Variants in RAPGEF5 observed in about 807,000 individuals in gnomAD.
The protein encoded by RAPGEF5 is M-Ras-regulated GEF.
RAPGEF5 carries 65 observed loss-of-function variants against 125.2 expected under a neutral mutation model. That is an observed-to-expected ratio of 0.52 (90% CI 0.43 to 0.64). The LOEUF (loss-of-function observed/expected upper bound fraction) is 0.64. Ranked by LOEUF, RAPGEF5 falls within the 30% of genes least tolerant of loss-of-function variation. The pLI is 0.00. For synonymous variants in RAPGEF5, 391 were observed against 385.9 expected (o/e 1.01, Z -0.16); for missense variants, 958 against 1,048.1 (o/e 0.91, Z 1.19).
At chr7:22,305,200 A>G (rs956922391) in intron 5 of RAPGEF5, among the ~76,000 whole-genome samples, 5 of 152,218 alleles carry the variant, frequency 3.3e-5, no homozygotes, top group African/African-American at 1.2e-4. Flanking sequence ...TTTAATAGAG[A>G]TAATAATAGT....
chr7:22,212,526 C>T (rs1415259941), intron 9 of RAPGEF5, among the ~76,000 whole-genome samples: 1 of 152,214 alleles, frequency 6.6e-6, no homozygotes, highest in African/African-American at 2.4e-5. Flanking sequence ...CCTTCAGGAA[C>T]CAAGCCACAC....
chr7:22,259,890 G>A (rs377193556), intron 7 of RAPGEF5, among the ~76,000 whole-genome samples: 1 of 152,122 alleles, frequency 6.6e-6, no homozygotes, highest in Non-Finnish European at 1.5e-5. Flanking sequence ...GAGCCACCAC[G>A]CCCAGCCCAA....
At chr7:22,165,364 C>T (rs759438918) in intron 12 of RAPGEF5, among the ~76,000 whole-genome samples, 11 of 152,094 alleles carry the variant, frequency 7.2e-5, no homozygotes, top group Non-Finnish European at 1.5e-4. Flanking sequence ...TTTTATATTA[C>T]TTAATGGGTG....
chr7:22,320,367 A>C (rs2128155593), intron 1 of RAPGEF5, among the ~76,000 whole-genome samples: 1 of 152,268 alleles, frequency 6.6e-6, no homozygotes, highest in South Asian at 2.1e-4. Context: ...ACTGACCCAA[A>C]ATAGCAAGGG....
chr7:22,151,522 T>G (rs1222379965), intron 17 of RAPGEF5, among the ~76,000 whole-genome samples: 3 of 147,540 alleles, frequency 2.0e-5, no homozygotes, highest in Non-Finnish European at 4.5e-5. Context: ...AGTGCACTAG[T>G]GTGATCTCGG....
intron 9 of RAPGEF5, among the ~76,000 whole-genome samples, chr7:22,213,511 C>T (rs940148048): frequency 1.3e-5 from 2 of 152,176 alleles, no homozygotes. Flanking sequence ...TTCTTGGAGG[C>T]AAGAACTAGC....
At chr7:22,309,216 G>A (rs1483465996) in intron 4 of RAPGEF5, among the ~76,000 whole-genome samples, 1 of 152,168 alleles carries the variant, frequency 6.6e-6, no homozygotes, top group Non-Finnish European at 1.5e-5. Context: ...ATTCTTCAAA[G>A]GTAGTTAACT....
chr7:22,246,668 A>G (rs940488699), intron 7 of RAPGEF5, among the ~76,000 whole-genome samples: 1 of 142,404 alleles, frequency 7.0e-6, no homozygotes, highest in Non-Finnish European at 1.6e-5. Context: ...TAGCCTTGGC[A>G]AAAAAAAATT....
chr7:22,341,157 G>A (rs112123591), intron 1 of RAPGEF5, among the ~76,000 whole-genome samples: 18,523 of 152,200 alleles, frequency 0.12, 1,408 homozygotes, highest in Non-Finnish European at 0.16. Flanking sequence ...GTTCCATGTG[G>A]CTGGGGAGGC....
chr7:22,300,808 C>T (rs1487947923), intron 5 of RAPGEF5, among the ~76,000 whole-genome samples: 3 of 152,218 alleles, frequency 2.0e-5, no homozygotes, highest in Non-Finnish European at 4.4e-5. Flanking sequence ...GAACCTGGGA[C>T]AAACCTGTAA....
intron 15 of RAPGEF5, 96 bp from the exon 16 acceptor site, chr7:22,156,984 T>A (rs1783830735): frequency 2.1e-6 from 3 of 1,437,768 alleles, no homozygotes; most frequent in Non-Finnish European, 2.8e-6. Flanking sequence ...ACTAGCCAAA[T>A]TTTTTTTTAA....
intron 6 of RAPGEF5, among the ~76,000 whole-genome samples, chr7:22,278,973 T>C (rs1469534090): frequency 2.0e-5 from 3 of 152,146 alleles, no homozygotes; most frequent in Non-Finnish European, 4.4e-5. Context: ...ATTAAGTTCA[T>C]ATATGCACAC....
chr7:22,287,146 T>C (rs1782817295), intron 6 of RAPGEF5, among the ~76,000 whole-genome samples: 2 of 152,210 alleles, frequency 1.3e-5, no homozygotes, highest in Admixed American at 1.3e-4. Context: ...GAAAACTTCT[T>C]ACAGAGTTTC....
chr7:22,136,071 G>T lies in RAPGEF5; in HGVS notation c.2383C>A (p.Pro795Thr). 1 of 1,612,230 alleles carries T rather than the reference G, an allele frequency of 6.2e-7. No individual in the cohort carries two copies. Among genetic ancestry groups the T allele is most frequent in the Non-Finnish European group, 8.5e-7 (1 of 1,178,812 alleles). Residue 795 changes from proline (P) to threonine (T), a missense_variant, in exon 23 of 26, where the codon CCA (proline) becomes ACA (threonine). Pro to Thr is a conservative substitution (Grantham distance 38). Coordinates refer to ENST00000665637, the MANE Select transcript of RAPGEF5 (RefSeq NM_012294.5). ...YRDAFKKMKP[P>T]KIPFMPLLLK... is the part of the protein sequence containing the mutation. ...AATAAGGGCATGAAAGGGATTTTTG[G>T]TGGCTTCATCTTTTTGAATGCATCT...
chr7:22,318,137 T>TTA, intron 1 of RAPGEF5, 100 bp from the exon 2 acceptor site: 37 of 1,068,634 alleles, frequency 3.5e-5, no homozygotes, highest in East Asian at 6.4e-5. Flanking sequence ...GCCTCTGCTA[T>TTA]GAAAAAAAAA....
chr7:22,157,734 C>A (rs1355893523), intron 15 of RAPGEF5, 121 bp downstream of exon 15: 4 of 1,107,882 alleles, frequency 3.6e-6, no homozygotes, highest in Admixed American at 2.2e-5. Flanking sequence ...GCCCCAGGCG[C>A]CCCGCCTTGT....
At chr7:22,186,015 G>A (rs1395876518) in intron 11 of RAPGEF5, among the ~76,000 whole-genome samples, 5 of 151,976 alleles carry the variant, frequency 3.3e-5, no homozygotes, top group African/African-American at 9.7e-5. Context: ...TAGTAGAGGC[G>A]GGGTTTTACC....
At chr7:22,342,531 A>G (rs1240683081) in intron 1 of RAPGEF5, among the ~76,000 whole-genome samples, 1 of 152,222 alleles carries the variant, frequency 6.6e-6, no homozygotes, top group Non-Finnish European at 1.5e-5. Flanking sequence ...CTTTTCTATC[A>G]CATTGTCAGG....
At chr7:22,143,607 C>T (rs1322746118) in intron 20 of RAPGEF5, among the ~76,000 whole-genome samples, 2 of 152,182 alleles carry the variant, frequency 1.3e-5, no homozygotes, top group Non-Finnish European at 2.9e-5. Flanking sequence ...TTCATTGTCT[C>T]CACTGAGTTG....
Sources: allele counts gnomAD v4.1 joint callset (sites outside exome capture counted in the v4.1 genomes callset), GRCh38; gene constraint gnomAD v4.1.1; transcripts MANE v1.5; gene names NCBI Gene and HGNC (gene_info 2026-07-23, HGNC 2026-07-21).